Variants in SORCS2 observed in about 807,000 individuals in gnomAD.
SORCS2 encodes the protein sortilin related VPS10 domain containing receptor 2, also known as VPS10 domain-containing receptor SorCS2.
A neutral mutation model predicts 141.6 loss-of-function variants in SORCS2; 100 were observed. The observed-to-expected ratio is 0.71, with a 90% CI of 0.60 to 0.83. SORCS2 has a LOEUF of 0.83. SORCS2 is among the 40% of genes least tolerant of loss of function. The probability of loss-of-function intolerance (pLI) is 0.00; values close to 1 mark genes in which losing one functional copy is unlikely to be tolerated. For synonymous variants in SORCS2, 789 were observed against 676.9 expected (o/e 1.17, Z -2.57); for missense variants, 1,646 against 1,560.2 (o/e 1.05, Z -0.93).
Position 7,374,566 on chromosome 4 carries a change from C to T in SORCS2, c.481-21722C>T, listed in dbSNP as rs1940738514. Among the ~76,000 whole-genome samples, 3 of 152,216 alleles carry T rather than the reference C, an allele frequency of 2.0e-5. No homozygotes were observed. In the South Asian group the frequency reaches 6.2e-4, roughly 32 times the overall value. On this transcript the variant is annotated intron_variant, in intron 1 of 26. Transcript: ENST00000507866. The stretch of plus-strand genomic sequence containing the variant: ...CCTGCCCACTTCTACTCGATTCACA[C>T]CATCTAGCCAAACTCACCTTTGTCT...
chr4:7,560,394 AAAG>A (rs1714449952), intron 3 of SORCS2, among the ~76,000 whole-genome samples: 1 of 152,112 alleles, frequency 6.6e-6, no homozygotes, highest in Non-Finnish European at 1.5e-5. Context: ...TGGTAGAAAG[AAAG>A]AAGACAGACC....
chr4:7,192,924 C>A lies in SORCS2; in HGVS notation c.278C>A (p.Ala93Asp), dbSNP rs1479548209. ...DRQARGTEPG[A>D]PGPSPGPAPG... Reference sequence around the variant, plus strand: ...CAGGCGCGCGGCACGGAGCCAGGCGCCCCGGGTCCGAGTCCCGGTCCCGCT... The same window carrying A: ...CAGGCGCGCGGCACGGAGCCAGGCGACCCGGGTCCGAGTCCCGGTCCCGCT... The change falls in exon 1 of 27, where the codon GCC (alanine) becomes GAC (aspartate). Residue 93 changes from alanine (A) to aspartate (D), a missense_variant. Ala to Asp is a moderately radical substitution (Grantham distance 126). Transcript: ENST00000507866. The surrounding 1 kb of genome is among the most constrained non-coding windows in gnomAD (Gnocchi z 4.0). 8.0e-6 allele frequency: 10 copies of A among 1,248,354 alleles called. No homozygotes were observed. The East Asian group carries it at 2.8e-4, about 34-fold the overall frequency. The allele number at this position is 1,248,354 out of a possible 1,614,324, so 77.3% of individuals were successfully genotyped here.
chr4:7,266,484 T>TGTCTCTGATCATCTCCAGGGA (rs1260015865), intron 1 of SORCS2, among the ~76,000 whole-genome samples: 2 of 152,240 alleles, frequency 1.3e-5, no homozygotes, highest in Admixed American at 1.3e-4. Flanking sequence ...TTTCCCGGGA[T>TGTCTCTGATCATCTCCAGGGA]GTCTCTGATC....
At chr4:7,273,834 C>T (rs1372674167) in intron 1 of SORCS2, among the ~76,000 whole-genome samples, 1 of 152,204 alleles carries the variant, frequency 6.6e-6, no homozygotes, top group Non-Finnish European at 1.5e-5. Flanking sequence ...GGCCATGCCT[C>T]CCTCCCCCAG....
chr4:7,449,574 G>C (rs951505165), intron 2 of SORCS2, among the ~76,000 whole-genome samples: 4 of 151,468 alleles, frequency 2.6e-5, no homozygotes, highest in Non-Finnish European at 5.9e-5. Flanking sequence ...CCAGCACCAG[G>C]TTCAGGATGC....
At chr4:7,338,285 A>AGGAT (rs36023886) in intron 1 of SORCS2, among the ~76,000 whole-genome samples, 538 of 138,750 alleles carry the variant, frequency 3.9e-3, no homozygotes, top group Non-Finnish European at 4.2e-3. Flanking sequence ...GTTGGATGGA[A>AGGAT]GGATGGATGG....
intron 2 of SORCS2, among the ~76,000 whole-genome samples, chr4:7,512,400 G>A (rs1732716843): frequency 7.6e-6 from 1 of 131,052 alleles, no homozygotes; most frequent in African/African-American, 2.8e-5. Context: ...AAGAAGGAAG[G>A]AAGGAAAGAA....
intron 1 of SORCS2, among the ~76,000 whole-genome samples, chr4:7,395,628 C>T (rs1188877759): frequency 6.9e-6 from 1 of 144,492 alleles, no homozygotes; most frequent in Admixed American, 7.1e-5. Context: ...GCATTTTCTG[C>T]ACAGGCCTGA....
At chr4:7,600,762 C>T (rs576827646) in intron 3 of SORCS2, among the ~76,000 whole-genome samples, 154 of 151,894 alleles carry the variant, frequency 1.0e-3, no homozygotes, top group Non-Finnish European at 1.8e-3. Context: ...ATATTAGCAA[C>T]TTTTATCTCC....
chr4:7,692,073 G>A lies in SORCS2; in HGVS notation c.1591+2485G>A, dbSNP rs543064349. 2.0e-5 allele frequency among the ~76,000 whole-genome samples: 3 copies of A among 152,296 alleles called. No homozygotes were observed. In the East Asian group the frequency reaches 5.8e-4, roughly 29 times the overall value. ...ATTCAGTCTTGGCCAGGGCTTTCCTGGAAGGTGGAGCCAGGCATGCAAGGT... is the reference window on the plus strand; with the variant it reads ...ATTCAGTCTTGGCCAGGGCTTTCCTAGAAGGTGGAGCCAGGCATGCAAGGT... On this transcript the variant is annotated intron_variant, in intron 11 of 26. Transcript: ENST00000507866.
At chr4:7,624,180 G>A (rs4689805) in intron 3 of SORCS2, among the ~76,000 whole-genome samples, 30,521 of 151,298 alleles carry the variant, frequency 0.2, 4,023 homozygotes, top group East Asian at 0.59. Flanking sequence ...CATGCCCACC[G>A]TGATTCAAGC....
chr4:7,549,001 T>C (rs1713481563), intron 3 of SORCS2, among the ~76,000 whole-genome samples: 1 of 152,030 alleles, frequency 6.6e-6, no homozygotes, highest in Admixed American at 6.6e-5. Context: ...GGGTCGCATG[T>C]TATCCATAGA....
intron 1 of SORCS2, among the ~76,000 whole-genome samples, chr4:7,277,093 C>T (rs1055887216): frequency 3.1e-5 from 4 of 128,902 alleles, no homozygotes; most frequent in Admixed American, 9.5e-5. Context: ...CCTGCCCCCA[C>T]GTCCTGTGAG....
chr4:7,630,773 C>A (rs1018606521), intron 3 of SORCS2, among the ~76,000 whole-genome samples: 1 of 152,176 alleles, frequency 6.6e-6, no homozygotes, highest in African/African-American at 2.4e-5. Flanking sequence ...TTCGCCTCCG[C>A]TGTTTGCCTC....
At position 7,739,695 on chromosome 4, in the gene SORCS2, G is replaced by A. The variant is rs527793458; in HGVS notation, c.3416-505G>A. Among the ~76,000 whole-genome samples, 837 of 152,250 alleles carry A rather than the reference G, an allele frequency of 5.5e-3. 5 individuals are homozygous for A. Among genetic ancestry groups the A allele is most frequent in the African/African-American group, 0.019 (807 of 41,550 alleles). On this transcript the variant is annotated intron_variant, in intron 26 of 26. Coordinates refer to ENST00000507866, the MANE Select transcript of SORCS2 (RefSeq NM_020777.3). ...CGTGTCTCCCGGTGCCCTTGAGGCG[G>A]GGCAGCTCTGGGTCCTGGGTCCTCG...
At chr4:7,338,214 A>T (rs1172334879) in intron 1 of SORCS2, among the ~76,000 whole-genome samples, 3 of 139,854 alleles carry the variant, frequency 2.1e-5, no homozygotes, top group Non-Finnish European at 3.0e-5. Flanking sequence ...GGTTGGATGG[A>T]TGGATGGATG....
At chr4:7,433,498 G>A in intron 2 of SORCS2, 1 of 1,599,492 alleles carries the variant, frequency 6.3e-7, no homozygotes, top group Non-Finnish European at 8.5e-7. Flanking sequence ...CTTGCACACA[G>A]CCACGGGGTC....
intron 1 of SORCS2, among the ~76,000 whole-genome samples, chr4:7,212,508 T>C (rs1398887647): frequency 2.6e-5 from 4 of 152,216 alleles, no homozygotes; most frequent in Non-Finnish European, 5.9e-5. Flanking sequence ...CGTTCTAACA[T>C]AGGCACCAGG....
At chr4:7,412,561 C>G (rs906508578) in intron 2 of SORCS2, among the ~76,000 whole-genome samples, 3 of 152,130 alleles carry the variant, frequency 2.0e-5, no homozygotes, top group Non-Finnish European at 4.4e-5. Flanking sequence ...AGATGGGGAG[C>G]CTGAAATGTC....
Sources: allele counts gnomAD v4.1 joint callset (sites outside exome capture counted in the v4.1 genomes callset), GRCh38; gene constraint gnomAD v4.1.1; non-coding constraint Gnocchi (gnomAD v3.1); transcripts MANE v1.5; gene names NCBI Gene and HGNC (gene_info 2026-07-23, HGNC 2026-07-21).